PTK2B: variants seen among roughly 807,000 people sequenced by gnomAD.
The protein encoded by PTK2B is protein tyrosine kinase 2 beta.
PTK2B carries 71 observed loss-of-function variants against 142.9 expected under a neutral mutation model. The ratio of observed to expected loss-of-function variants is 0.50; its 90% CI spans 0.41 to 0.61. The LOEUF is 0.61. Among genes scored for constraint, PTK2B ranks in the 20% least tolerant of loss-of-function variants. The probability of loss-of-function intolerance (pLI) is 0.00; values close to 1 mark genes in which losing one functional copy is unlikely to be tolerated. For synonymous variants in PTK2B, 519 were observed against 503.4 expected, an observed-to-expected ratio of 1.03 and a Z score of -0.42; for missense variants, 1,105 against 1,320.4, an observed-to-expected ratio of 0.84 and a Z score of 2.53.
chr8:27,405,035 CCTCTCTCTCTCTCTCT>C (rs3076734), intron 2 of PTK2B, among the ~76,000 whole-genome samples: 4 of 119,634 alleles, frequency 3.3e-5, no homozygotes, highest in East Asian at 2.4e-4. Context: ...TCTTTCTCTT[CCTCTCTCTCTCTCTCT>C]CTCTCTCTCT....
intron 24 of PTK2B, among the ~76,000 whole-genome samples, chr8:27,448,511 A>T (rs1170942126): frequency 1.3e-5 from 2 of 152,234 alleles, no homozygotes; most frequent in Non-Finnish European, 2.9e-5. Context: ...GATGTCTCCT[A>T]ATCTGTGTTT....
At chr8:27,371,561 A>ATATT (rs1341192955) in intron 1 of PTK2B, among the ~76,000 whole-genome samples, 1 of 150,192 alleles carries the variant, frequency 6.7e-6, no homozygotes, top group East Asian at 1.9e-4. Flanking sequence ...ATATATATAT[A>ATATT]TTTTGAGACA....
At chr8:27,399,999 G>A (rs1207886220) in intron 2 of PTK2B, among the ~76,000 whole-genome samples, 1 of 152,154 alleles carries the variant, frequency 6.6e-6, no homozygotes, top group African/African-American at 2.4e-5. Flanking sequence ...GTGGGTATTA[G>A]GTTATTACCC....
chr8:27,383,929 A>G (rs1052342406), intron 1 of PTK2B, among the ~76,000 whole-genome samples: 1 of 148,030 alleles, frequency 6.8e-6, no homozygotes, highest in Non-Finnish European at 1.5e-5. Context: ...GCTCACCACA[A>G]CCTTCGCCTC....
At chr8:27,332,700 G>A (rs1413100812) in intron 1 of PTK2B, among the ~76,000 whole-genome samples, 6 of 152,112 alleles carry the variant, frequency 3.9e-5, no homozygotes, top group African/African-American at 1.2e-4. Context: ...TCCGGCCTCA[G>A]CCTCCTGAGT....
chr8:27,421,832 A>AG (rs2131854463), intron 4 of PTK2B, among the ~76,000 whole-genome samples: 1 of 152,380 alleles, frequency 6.6e-6, no homozygotes, highest in South Asian at 2.1e-4. Context: ...CACCAGGTGC[A>AG]GAGCAAAGCG....
chr8:27,345,294 C>T (rs1020689524), intron 1 of PTK2B, among the ~76,000 whole-genome samples: 7 of 152,252 alleles, frequency 4.6e-5, no homozygotes, highest in African/African-American at 1.7e-4. Context: ...TTCCTCGGGC[C>T]TCATCTTCTA....
intron 1 of PTK2B, among the ~76,000 whole-genome samples, chr8:27,362,144 C>G (rs144229353): frequency 3.9e-5 from 6 of 152,352 alleles, no homozygotes; most frequent in Middle Eastern, 3.4e-3. Context: ...CCTGAGCCTC[C>G]TGTCATTTTG....
At chr8:27,320,979 G>GTTTTTTTT (rs1257774872), upstream of PTK2B, among the ~76,000 whole-genome samples, 3 of 32,654 alleles carry the variant, frequency 9.2e-5, no homozygotes, top group African/African-American at 3.1e-4. Flanking sequence ...CATACAAAAG[G>GTTTTTTTT]CTTTTTTTTT....
chr8:27,443,053 C>A (rs1400012915), intron 22 of PTK2B, 70 bp downstream of exon 22: 2 of 1,077,034 alleles, frequency 1.9e-6, no homozygotes, highest in Non-Finnish European at 2.8e-6. Flanking sequence ...GATCCATGTC[C>A]CCCTTACTGC....
At chr8:27,347,883 C>G (rs565752189) in intron 1 of PTK2B, among the ~76,000 whole-genome samples, 1 of 152,358 alleles carries the variant, frequency 6.6e-6, no homozygotes, top group South Asian at 2.1e-4. Context: ...CCTTCCTCCC[C>G]TGCTTCTCTT....
At chr8:27,376,993 C>G (rs189225317) in intron 1 of PTK2B, among the ~76,000 whole-genome samples, 23 of 152,240 alleles carry the variant, frequency 1.5e-4, no homozygotes, top group Middle Eastern at 3.4e-3. Context: ...GATCGGGACC[C>G]CTTTCCTATA....
At chr8:27,382,032 C>G (rs1007428553) in intron 1 of PTK2B, among the ~76,000 whole-genome samples, 7 of 152,166 alleles carry the variant, frequency 4.6e-5, no homozygotes, top group Non-Finnish European at 8.8e-5. Flanking sequence ...TCACTGCAAC[C>G]TTTGCCTCCT....
intron 1 of PTK2B, among the ~76,000 whole-genome samples, chr8:27,355,778 C>T (rs1481250794): frequency 1.3e-5 from 2 of 152,196 alleles, no homozygotes; most frequent in East Asian, 1.9e-4. Context: ...AATCCCAGCA[C>T]TTTGGGAGGC....
rs184493739 is a variant in PTK2B at position 27,358,345 on chromosome 8, T to C, written c.-38+32664T>C. On this transcript the variant is annotated intron_variant, in intron 1 of 30. Transcript: ENST00000346049. ...TGCATTTCTGTCCATTTTTGCTTTA[T>C]ATTTTTAATTGTCTGTGTTTTGGTG... Among the ~76,000 whole-genome samples, 4 of 152,360 alleles carry C rather than the reference T, an allele frequency of 2.6e-5. No individual in the cohort carries two copies. The East Asian group carries it at 7.7e-4, about 29-fold the overall frequency.
chr8:27,434,425 G>A (rs1810641847), intron 12 of PTK2B, 88 bp from the exon 13 acceptor site: 2 of 1,379,826 alleles, frequency 1.4e-6, no homozygotes, highest in East Asian at 2.5e-5. Flanking sequence ...CTCCACAGGG[G>A]GCAGGAGGAG....
chr8:27,321,958 C>CA (rs1410653550), upstream of PTK2B, among the ~76,000 whole-genome samples: 1 of 151,710 alleles, frequency 6.6e-6, no homozygotes, highest in Non-Finnish European at 1.5e-5. Flanking sequence ...TGATGAAGTA[C>CA]TTTTTTCAGT....
At chr8:27,406,599 C>T (rs1026016535) in intron 2 of PTK2B, among the ~76,000 whole-genome samples, 2 of 152,118 alleles carry the variant, frequency 1.3e-5, no homozygotes, top group Non-Finnish European at 2.9e-5. Context: ...AAGTTGGCAG[C>T]GGGAAATGTG....
chr8:27,437,760 T>C lies in PTK2B; in HGVS notation c.1528-5T>C. 6.2e-7 allele frequency: 1 copy of C among 1,607,330 alleles called. No homozygotes were observed. The highest frequency in any genetic ancestry group is 2.2e-5 in the East Asian group (1 of 44,756). On this transcript the variant is annotated splice_polypyrimidine_tract_variant and splice_region_variant and intron_variant, in intron 17 of 30. Transcript: ENST00000346049. The stretch of plus-strand genomic sequence containing the variant: ...GGTCTTGATGGCACCTCCCCATTCC[T>C]GCAGCTGGGCCACTACCTGGAGCGG...
Sources: gnomAD v4.1 joint callset for allele counts (sites outside exome capture counted in the v4.1 genomes callset) on GRCh38, gnomAD v4.1.1 for gene constraint, MANE v1.5 for transcripts, NCBI Gene and HGNC (gene_info 2026-07-23, HGNC 2026-07-21) for gene names.